THYN1: variants seen among roughly 807,000 people sequenced by gnomAD.
THYN1 encodes the protein thymocyte protein thy28.
In THYN1, 32 loss-of-function variants were observed where a neutral mutation model predicts 30.6. The ratio of observed to expected loss-of-function variants is 1.05; its 90% CI spans 0.79 to 1.40. The LOEUF is 1.40. THYN1 is among the 40% of genes most tolerant of loss of function. THYN1 has a pLI of 0.00. For missense variants in THYN1, 259 were observed against 272.6 expected (o/e 0.95, Z 0.35); for synonymous variants, 107 against 90.8 (o/e 1.18, Z -1.01).
intron 6 of THYN1, 135 bp from the exon 7 acceptor site, chr11:134,248,619 G>A (rs1938897732): frequency 7.4e-7 from 1 of 1,350,618 alleles, no homozygotes; most frequent in Non-Finnish European, 1.0e-6. Flanking sequence ...TTTACCAGGT[G>A]CCAAGCACTA....
intron 1 of THYN1, among the ~76,000 whole-genome samples, chr11:134,252,217 T>A (rs1939108229): frequency 6.6e-6 from 1 of 152,190 alleles, no homozygotes; most frequent in South Asian, 2.1e-4. Flanking sequence ...CTTCCTAACC[T>A]AGTTTCCTAA....
Position 134,249,271 on chromosome 11 carries a change from A to G in THYN1, c.385-9T>C, listed in dbSNP as rs371259391. 134 of 1,614,056 alleles carry G rather than the reference A, an allele frequency of 8.3e-5. No individual in the cohort carries two copies. The highest frequency in any genetic ancestry group is 1.1e-4 in the Non-Finnish European group (133 of 1,179,892). On this transcript the variant is annotated splice_polypyrimidine_tract_variant and intron_variant, in intron 4 of 6. Coordinates refer to ENST00000341541, the MANE Select transcript of THYN1 (RefSeq NM_014174.3). ...TAAGCCTCTTTCACGATCTGAAACC[A>G]AAACAAAAGCTTTGAATCATCTGCC...
intron 2 of THYN1, among the ~76,000 whole-genome samples, chr11:134,250,763 C>T (rs1487974612): frequency 6.6e-6 from 1 of 152,168 alleles, no homozygotes; most frequent in Non-Finnish European, 1.5e-5. Flanking sequence ...CTATAGCCTT[C>T]AGGACAAATC....
At chr11:134,248,728 C>T (rs1938902104) in intron 6 of THYN1, 81 bp downstream of exon 6, 2 of 1,578,148 alleles carry the variant, frequency 1.3e-6, no homozygotes, top group Non-Finnish European at 1.7e-6. Context: ...AAGTACCATG[C>T]CCAAGTTTAA....
At position 134,250,291 on chromosome 11, in the gene THYN1, C is replaced by G. The variant is rs950657627; in HGVS notation, c.275G>C (p.Gly92Ala). The G allele has an allele frequency of 1.2e-6, 2 of 1,614,086 alleles. No homozygotes were observed. The highest frequency in any genetic ancestry group is 1.7e-6 in the Non-Finnish European group (2 of 1,180,032). Residue 92 changes from glycine to alanine, a missense_variant, in exon 3 of 7, where the codon GGT becomes GCT. Gly to Ala is a moderately conservative substitution (Grantham distance 60, BLOSUM62 0). Coordinates refer to ENST00000341541, the MANE Select transcript of THYN1 (RefSeq NM_014174.3). ...CCCTCTTACCTGGTAGTTACGAACA[C>G]CATCCCAGCATGTTGTCTGTTTGGG... ...AQPKQTTCWD[G>A]VRNYQARNFL...
chr11:134,250,148 C>T (rs1938982275), intron 3 of THYN1, 127 bp downstream of exon 3: 2 of 1,085,094 alleles, frequency 1.8e-6, no homozygotes, highest in African/African-American at 1.6e-5. Context: ...TTTTTTAATA[C>T]ATTATCAGGT....
In THYN1 at chr11:134,248,640, G is replaced by T. The variant is rs3816440; in HGVS notation, c.632-156C>A. Among the ~76,000 whole-genome samples the T allele has an allele frequency of 3.1e-4, 47 of 152,276 alleles. 1 individual carries two copies. In the East Asian group the frequency reaches 9.1e-3, roughly 29 times the overall value. ...AGGTGCCAAGCACTATAGAGTACTG[G>T]GTAATAGTAACAGGTAACTCTGGCC... On this transcript the variant is annotated intron_variant, in intron 6 of 6. Coordinates refer to ENST00000341541, the MANE Select transcript of THYN1 (RefSeq NM_014174.3).
chr11:134,248,721 T>C (rs1938901640), intron 6 of THYN1, 88 bp downstream of exon 6: 1 of 1,563,862 alleles, frequency 6.4e-7, no homozygotes, highest in Non-Finnish European at 8.7e-7. Flanking sequence ...AAAGGTGAAG[T>C]ACCATGCCCA....
At chr11:134,249,952 C>T (rs1335776378) in intron 3 of THYN1, 32 bp from the exon 4 acceptor site, 1 of 1,596,858 alleles carries the variant, frequency 6.3e-7, no homozygotes, top group East Asian at 2.2e-5. Flanking sequence ...TAACTATCCT[C>T]CCACCAGCTG....
At chr11:134,249,045 A>C in intron 5 of THYN1, 86 bp from the exon 6 acceptor site, 1 of 1,570,170 alleles carries the variant, frequency 6.4e-7, no homozygotes, top group Non-Finnish European at 8.7e-7. Flanking sequence ...GGAAGCTCCT[A>C]TCTCAGTATC....
In THYN1 at chr11:134,252,705, G is replaced by A. The variant is rs539836322; in HGVS notation, c.43+135C>T. ...TGGTGAGACAAGTAAAGAAGATGGA[G>A]AGTGATTAAGGATAATGGAGTAAAA... On this transcript the variant is annotated intron_variant, in intron 1 of 6. Transcript: ENST00000341541. 1.5e-5 allele frequency: 15 copies of A among 973,482 alleles called. No homozygotes were observed. In the African/African-American group the frequency reaches 2.1e-4, roughly 14 times the overall value. 60.3% of individuals were successfully genotyped at this position (973,482 alleles called of 1,614,324 possible). A position where few individuals can be genotyped will look rare whatever the true frequency, so the allele number is the denominator to read the frequency against.
chr11:134,251,438 C>A, intron 1 of THYN1, 130 bp from the exon 2 acceptor site: 1 of 1,039,180 alleles, frequency 9.6e-7, no homozygotes, highest in Non-Finnish European at 1.4e-6. Flanking sequence ...GGAACTTAAT[C>A]TTACTGTTAA....
rs751011981 is a variant in THYN1, at chr11:134,250,296, C to T, written c.270G>A (p.Trp90Ter). 2.5e-6 allele frequency: 4 copies of T among 1,614,150 alleles called. No individual in the cohort carries two copies. In the South Asian group the frequency reaches 4.4e-5, roughly 18 times the overall value. Residue 90 changes from tryptophan (W) to a stop codon, truncating the protein, a stop_gained, in exon 3 of 7, where the codon TGG (tryptophan) becomes TGA (stop). Transcript: ENST00000341541. LOFTEE classifies it high-confidence loss of function. ...TTACCTGGTAGTTACGAACACCATC[C>T]CAGCATGTTGTCTGTTTGGGCTGTG... ...LKAQPKQTTC[W>*]DGVRNYQARN...
chr11:134,248,759 C>T (rs200675658), intron 6 of THYN1, 50 bp downstream of exon 6: 44 of 1,604,414 alleles, frequency 2.7e-5, no homozygotes, highest in Non-Finnish European at 3.7e-5. Context: ...AGTGGGAATT[C>T]ATGAGGTCAT....
chr11:134,248,314 CA>C lies in THYN1; in HGVS notation c.*123del, dbSNP rs1463895002. 5.3e-6 allele frequency: 6 copies of C among 1,142,066 alleles called. No individual in the cohort carries two copies. Among genetic ancestry groups the C allele is most frequent in the Middle Eastern group, 1.9e-4 (1 of 5,168 alleles). 70.7% of individuals were successfully genotyped at this position (1,142,066 alleles called of 1,614,324 possible). On this transcript the variant is annotated 3_prime_UTR_variant, in exon 7 of 7. Transcript: ENST00000341541. ...TTGATATTTTATTGAAAAAAGTACA[CA>C]AAAACCACTGAGGTACACAAGCCCA... is the stretch of plus-strand genomic sequence containing the variant.
In THYN1 at chr11:134,251,248, A is replaced by G; in HGVS notation, c.104T>C (p.Val35Ala). ...AGTCTTCTGAGGGTTGGAGTCCTCC[A>G]CTTTAGCTAATGCCTCACCTGAGTT... ...TENSGEALAK[V>A]EDSNPQKTSA... The change falls in exon 2 of 7, where the codon GTG (valine) becomes GCG (alanine). Residue 35 changes from valine to alanine, a missense_variant. Val to Ala is a moderately conservative substitution (Grantham distance 64). Coordinates refer to ENST00000341541, the MANE Select transcript of THYN1 (RefSeq NM_014174.3). 1 of 1,614,152 alleles carries G rather than the reference A, an allele frequency of 6.2e-7. No homozygotes were observed. Among genetic ancestry groups the G allele is most frequent in the South Asian group, 1.1e-5 (1 of 91,080 alleles).
Position 134,251,236 on chromosome 11 carries a change from T to C in THYN1, c.116A>G (p.Asn39Ser), listed in dbSNP as rs1591493151. Residue 39 changes from asparagine (N) to serine (S), a missense_variant, in exon 2 of 7, where the codon AAC (asparagine) becomes AGC (serine). Physicochemically the swap from Asn to Ser is conservative, Grantham distance 46. Coordinates refer to ENST00000341541, the MANE Select transcript of THYN1 (RefSeq NM_014174.3). Reference sequence around the variant, plus strand: ...TTTAGTGGCTGAAGTCTTCTGAGGGTTGGAGTCCTCCACTTTAGCTAATGC... The same window carrying C: ...TTTAGTGGCTGAAGTCTTCTGAGGGCTGGAGTCCTCCACTTTAGCTAATGC... ...GEALAKVEDS[N>S]PQKTSATKNC... is the part of the protein sequence containing the mutation. 6.2e-6 allele frequency: 10 copies of C among 1,614,108 alleles called. 1 individual carries two copies. Among genetic ancestry groups the C allele is most frequent in the South Asian group, 2.2e-5 (2 of 91,084 alleles).
Position 134,248,944 on chromosome 11 carries a change from C to G in THYN1, c.496G>C (p.Val166Leu), listed in dbSNP as rs199857469. The change falls in exon 6 of 7, where the codon GTT becomes CTT. Residue 166 changes from valine to leucine, a missense_variant. Physicochemically the swap from Val to Leu is conservative, Grantham distance 32. Coordinates refer to ENST00000341541, the MANE Select transcript of THYN1 (RefSeq NM_014174.3). ...GGAATGAAACGTTTCATCATCCGAA[C>G]AAACTGTACATCCACCTATGTGACA... ...PKWSMVDVQF[V>L]RMMKRFIPLA... 1 of 1,614,224 alleles carries G rather than the reference C, an allele frequency of 6.2e-7. No homozygotes were observed. The highest frequency in any genetic ancestry group is 2.2e-5 in the East Asian group (1 of 44,890).
intron 1 of THYN1, chr11:134,251,677 TA>T (rs1565364675): frequency 5.5e-6 from 1 of 180,374 alleles, no homozygotes. Flanking sequence ...AATGAGGTAA[TA>T]CAAAGGGCCT....
Sources: gnomAD v4.1 joint callset for allele counts (sites outside exome capture counted in the v4.1 genomes callset) on GRCh38, gnomAD v4.1.1 for gene constraint, MANE v1.5 for transcripts, NCBI Gene and HGNC (gene_info 2026-07-23, HGNC 2026-07-21) for gene names.